Variants in PPP1R9B observed in about 807,000 individuals in gnomAD.
PPP1R9B encodes the protein neurabin-2.
Under a neutral mutation model 75.8 loss-of-function variants are expected in PPP1R9B, and 17 were observed. The observed-to-expected ratio is 0.22, with a 90% CI of 0.15 to 0.34. PPP1R9B has a LOEUF of 0.34. Ranked by LOEUF, PPP1R9B falls within the 10% of genes least tolerant of loss-of-function variation. PPP1R9B has a pLI of 1.00. For missense variants in PPP1R9B, 875 were observed against 1,196.0 expected, an observed-to-expected ratio of 0.73 and a Z score of 3.96; for synonymous variants, 509 against 535.4, an observed-to-expected ratio of 0.95 and a Z score of 0.68.
At chr17:50,140,282 C>T (rs1912340583) in intron 4 of PPP1R9B, 54 bp from the exon 5 acceptor site, 3 of 1,547,080 alleles carry the variant, frequency 1.9e-6, no homozygotes. Context: ...GGTAATGCAT[C>T]ATCCTCCCTG....
At chr17:50,140,959 G>T (rs1344178608) in intron 4 of PPP1R9B, among the ~76,000 whole-genome samples, 1 of 152,140 alleles carries the variant, frequency 6.6e-6, no homozygotes, top group African/African-American at 2.4e-5. Context: ...TGGACGTCCT[G>T]GTTCTTCAGT....
At chr17:50,143,858 G>A (rs1912449708) in intron 2 of PPP1R9B, 140 bp from the exon 3 acceptor site, 2 of 1,240,150 alleles carry the variant, frequency 1.6e-6, no homozygotes, top group Non-Finnish European at 1.1e-6. Context: ...AAGGGATATA[G>A]TTCTGTCCAC....
At chr17:50,135,938 GCCCA>G in intron 8 of PPP1R9B, 26 bp downstream of exon 8, 9 of 1,419,222 alleles carry the variant, frequency 6.3e-6, no homozygotes, top group Non-Finnish European at 8.7e-6. Context: ...TGCTCCCTGG[GCCCA>G]GCCCGCCCAG....
intron 1 of PPP1R9B, among the ~76,000 whole-genome samples, chr17:50,146,511 C>A (rs956917112): frequency 2.0e-5 from 3 of 152,146 alleles, no homozygotes; most frequent in Non-Finnish European, 4.4e-5. Context: ...ACTCTCGTGT[C>A]CCAGCCTTTG....
rs1305949389 is a variant in PPP1R9B, at chr17:50,149,448, C to T, written c.1066G>A (p.Ala356Thr). 6.2e-7 allele frequency: 1 copy of T among 1,606,910 alleles called. No individual in the cohort carries two copies. Among genetic ancestry groups the T allele is most frequent in the Non-Finnish European group, 8.5e-7 (1 of 1,177,604 alleles). The change falls in exon 1 of 10, where the codon GCG becomes ACG. Residue 356 changes from alanine (A) to threonine (T), a missense_variant. Around this residue, in one of 4 missense-constraint regions of PPP1R9B, gnomAD observed 449 missense variants for 475.0 expected, o/e 0.95. Transcript: ENST00000612501. The surrounding 1 kb of genome is among the most constrained non-coding windows in gnomAD (Gnocchi z 7.2). ...PKAQAAPEKE[A>T]AAVAPPERGV... The stretch of plus-strand genomic sequence containing the variant: ...CTCTCTGGCGGCGCTACCGCCGCCG[C>T]CTCCTTCTCCGGGGCCGCTTGGGCC...
intron 7 of PPP1R9B, among the ~76,000 whole-genome samples, chr17:50,136,523 C>T (rs373614409): frequency 1.4e-4 from 22 of 152,256 alleles, no homozygotes; most frequent in Middle Eastern, 6.8e-3. Flanking sequence ...TGTAAAATGG[C>T]AGTGATATGT....
At position 50,149,632 on chromosome 17, in the gene PPP1R9B, C is replaced by A. The variant is rs746583971; in HGVS notation, c.882G>T (p.Glu294Asp). ...APARPPPKPR[E>D]VRKIKPVEVE... ...CCTCCACCGGCTTAATCTTGCGCAC[C>A]TCCCGGGGCTTGGGGGGCGGCCGGG... Residue 294 changes from glutamate (E) to aspartate (D), a missense_variant, in exon 1 of 10, where the codon GAG (glutamate) becomes GAT (aspartate). This residue lies in a region of PPP1R9B where 449 missense variants were observed against 475.0 expected (regional missense o/e 0.95). Coordinates refer to ENST00000612501, the MANE Select transcript of PPP1R9B (RefSeq NM_032595.5). This position sits in a 1 kb window ranked among gnomAD's most constrained non-coding sequence, Gnocchi z 7.2. 4 of 1,528,410 alleles carry A rather than the reference C, an allele frequency of 2.6e-6. No homozygotes were observed. Among genetic ancestry groups the A allele is most frequent in the Non-Finnish European group, 2.6e-6 (3 of 1,141,500 alleles). 94.7% of individuals were successfully genotyped at this position (1,528,410 alleles called of 1,614,324 possible). A position where few individuals can be genotyped will look rare whatever the true frequency, so the allele number is the denominator to read the frequency against.
rs369879729 is a variant in PPP1R9B at position 50,141,407 on chromosome 17, G to A, written c.1626-34C>T. On this transcript the variant is annotated intron_variant, in intron 3 of 9. Coordinates refer to ENST00000612501, the MANE Select transcript of PPP1R9B (RefSeq NM_032595.5). ...GTGACATTGGTTAAGGGGTCACAGG[G>A]GAACCGAGGAGCGAGGGTAGAGGTA... 25 of 1,462,524 alleles carry A rather than the reference G, an allele frequency of 1.7e-5. No homozygotes were observed. In the East Asian group the frequency reaches 2.0e-4, roughly 12 times the overall value. 90.6% of individuals were successfully genotyped at this position (1,462,524 alleles called of 1,614,324 possible). A position where few individuals can be genotyped will look rare whatever the true frequency, so the allele number is the denominator to read the frequency against.
chr17:50,149,127 G>C lies in PPP1R9B; in HGVS notation c.1371+16C>G, dbSNP rs569085228. The C allele has an allele frequency of 1.3e-4, 179 of 1,412,496 alleles. 2 individuals are homozygous for C. The Middle Eastern group carries it at 3.2e-3, about 25-fold the overall frequency. 87.5% of individuals were successfully genotyped at this position (1,412,496 alleles called of 1,614,324 possible). A position where few individuals can be genotyped will look rare whatever the true frequency, so the allele number is the denominator to read the frequency against. ...GGCAGGGGCGGCGCGGGGGCAGGGC[G>C]GGGGGGCTCACTTACTTGGATGGGC... is the stretch of plus-strand genomic sequence containing the variant. On this transcript the variant is annotated intron_variant, in intron 1 of 9. Coordinates refer to ENST00000612501, the MANE Select transcript of PPP1R9B (RefSeq NM_032595.5). The surrounding 1 kb of genome is among the most constrained non-coding windows in gnomAD (Gnocchi z 7.2).
chr17:50,147,580 G>A (rs968155572), intron 1 of PPP1R9B, among the ~76,000 whole-genome samples: 1 of 151,948 alleles, frequency 6.6e-6, no homozygotes, highest in African/African-American at 2.4e-5. Flanking sequence ...AGGGTAAGGC[G>A]TCAAATATAG....
chr17:50,137,980 C>T (rs544728427), intron 7 of PPP1R9B, among the ~76,000 whole-genome samples: 12 of 152,316 alleles, frequency 7.9e-5, no homozygotes, highest in African/African-American at 2.4e-4. Context: ...GTCTGCAAGA[C>T]CCCTATAGAT....
intron 1 of PPP1R9B, among the ~76,000 whole-genome samples, chr17:50,148,119 G>T (rs964415059): frequency 3.3e-5 from 5 of 152,136 alleles, no homozygotes; most frequent in African/African-American, 9.7e-5. Context: ...GTGGGAAGTG[G>T]GGGGAGGGGT....
chr17:50,136,004 C>T lies in PPP1R9B; in HGVS notation c.2267G>A (p.Ser756Asn). 1 of 1,590,618 alleles carries T rather than the reference C, an allele frequency of 6.3e-7. No individual in the cohort carries two copies. Among genetic ancestry groups the T allele is most frequent in the Non-Finnish European group, 8.6e-7 (1 of 1,169,170 alleles). ...GTCCTTGATGAGGCGCTTGGCCTTGCTGTACTTGCGCTCCAGGGCCTGGTA... is the reference window on the plus strand; with the variant it reads ...GTCCTTGATGAGGCGCTTGGCCTTGTTGTACTTGCGCTCCAGGGCCTGGTA... ...AQYQALERKY[S>N]KAKRLIKDYQ... The change falls in exon 8 of 10, where the codon AGC becomes AAC. Residue 756 changes from serine to asparagine, a missense_variant. Ser to Asn is a conservative substitution (Grantham distance 46, BLOSUM62 1). Transcript: ENST00000612501.
chr17:50,141,122 GGCACAGCAACTCCTGCA>G, intron 4 of PPP1R9B, 130 bp downstream of exon 4: 1 of 595,684 alleles, frequency 1.7e-6, no homozygotes, highest in Admixed American at 3.0e-5. Context: ...AGGGACTCCA[GGCACAGCAACTCCTGCA>G]GCCAAGGAGT....
chr17:50,138,153 C>CGTGTGTGTGTGT (rs58489923), intron 7 of PPP1R9B, among the ~76,000 whole-genome samples: 3 of 146,318 alleles, frequency 2.1e-5, no homozygotes, highest in Non-Finnish European at 4.5e-5. Context: ...GTGTATACTA[C>CGTGTGTGTGTGT]GTGTGTGTGT....
At chr17:50,135,517 C>G (rs757000485) in intron 9 of PPP1R9B, 36 bp downstream of exon 9, 1 of 1,595,836 alleles carries the variant, frequency 6.3e-7, no homozygotes, top group Non-Finnish European at 8.6e-7. Context: ...GCTGCTCCCT[C>G]CACTGGGCCC....
chr17:50,147,608 C>T (rs1480857559), intron 1 of PPP1R9B, among the ~76,000 whole-genome samples: 3 of 152,176 alleles, frequency 2.0e-5, no homozygotes, highest in Non-Finnish European at 4.4e-5. Flanking sequence ...GAGGCCCAGA[C>T]CAAACTCCAA....
chr17:50,138,600 C>T lies in PPP1R9B; in HGVS notation c.2073+663G>A, dbSNP rs538289637. ...ACCTAGAGCAGAACTTAGCATGCTT[C>T]GGTATCACAGCTAATATACTGACTT... On this transcript the variant is annotated intron_variant, in intron 7 of 9. Transcript: ENST00000612501. Among the ~76,000 whole-genome samples, 11 of 152,214 alleles carry T rather than the reference C, an allele frequency of 7.2e-5. No homozygotes were observed. The South Asian group carries it at 2.3e-3, about 32-fold the overall frequency.
intron 2 of PPP1R9B, among the ~76,000 whole-genome samples, chr17:50,144,816 C>A (rs991704217): frequency 1.3e-5 from 2 of 152,208 alleles, no homozygotes; most frequent in African/African-American, 2.4e-5. Flanking sequence ...CACTGTGTCC[C>A]CAACACAGAG....
Sources: allele counts gnomAD v4.1 joint callset (sites outside exome capture counted in the v4.1 genomes callset), GRCh38; gene constraint gnomAD v4.1.1; regional missense constraint gnomAD v4.1.1; non-coding constraint Gnocchi (gnomAD v3.1); transcripts MANE v1.5; gene names NCBI Gene and HGNC (gene_info 2026-07-23, HGNC 2026-07-21).